Variants in GPR101 observed in about 807,000 individuals in gnomAD.
GPR101 encodes the protein probable G protein-coupled receptor 101.
In GPR101, 8 loss-of-function variants were observed where a neutral mutation model predicts 16.4. That is an observed-to-expected ratio of 0.49 (90% CI 0.29 to 0.88). The LOEUF is 0.88. Ranked by LOEUF, GPR101 falls within the 40% of genes least tolerant of loss-of-function variation. The pLI is 0.09. For missense variants in GPR101, 375 were observed against 411.7 expected (o/e 0.91, Z 0.77); for synonymous variants, 155 against 168.7 (o/e 0.92, Z 0.63).
rs1290809212 is a variant in GPR101, at chrX:137,027,291, T to G, written c.*2857A>C. 1.2e-5 allele frequency among the ~76,000 whole-genome samples: 1 copy of G among 84,872 alleles called. No individual in the cohort carries two copies. Among genetic ancestry groups the G allele is most frequent in the East Asian group, 4.5e-4 (1 of 2,217 alleles). 73.7% of individuals were successfully genotyped at this position (84,872 alleles called of 115,157 possible). A position where few individuals can be genotyped will look rare whatever the true frequency, so the allele number is the denominator to read the frequency against. On this transcript the variant is annotated 3_prime_UTR_variant, in exon 2 of 2. Coordinates refer to ENST00000651716, the MANE Select transcript of GPR101 (RefSeq NM_054021.2). ...GGTTTGTCTGGCCCCTGTACTTTAA[T>G]GGGATTTTTTTTTTTTTTTTTACTG...
Position 137,027,148 on chromosome X carries a change from A to G in GPR101, c.*3000T>C, listed in dbSNP as rs1449701600. Among the ~76,000 whole-genome samples, 1 of 106,915 alleles carries G rather than the reference A, an allele frequency of 9.4e-6. No homozygotes were observed. The highest frequency in any genetic ancestry group is 2.9e-4 in the East Asian group (1 of 3,450). 92.8% of individuals were successfully genotyped at this position (106,915 alleles called of 115,157 possible). A position where few individuals can be genotyped will look rare whatever the true frequency, so the allele number is the denominator to read the frequency against. On this transcript the variant is annotated 3_prime_UTR_variant, in exon 2 of 2. Transcript: ENST00000651716. ...GCTTGCTCCTTATTACTGCCTTCCC[A>G]AGCTTGTGGAAATTGGTGTGTTAGT...
Position 137,030,600 on chromosome X carries a change from C to T in GPR101, c.1075G>A (p.Asp359Asn), listed in dbSNP as rs773533634. 5 of 1,211,464 alleles carry T rather than the reference C, an allele frequency of 4.1e-6. No homozygotes were observed. Among genetic ancestry groups the T allele is most frequent in the South Asian group, 1.8e-5 (1 of 56,942 alleles). The change falls in exon 2 of 2, where the codon GAC (aspartate) becomes AAC (asparagine). Residue 359 changes from aspartate to asparagine, a missense_variant. Physicochemically the swap from Asp to Asn is conservative, Grantham distance 23. Coordinates refer to ENST00000651716, the MANE Select transcript of GPR101 (RefSeq NM_054021.2). Reference protein sequence around the residue: ...GEDDMEFGEDDINFSEDDVEA... With the variant: ...GEDDMEFGEDNINFSEDDVEA... ...ACGTCATCCTCACTGAAATTGATGT[C>T]GTCTTCACCAAACTCCATGTCATCT... is the stretch of plus-strand genomic sequence containing the variant.
Position 137,030,214 on chromosome X carries a change from C to A in GPR101, c.1461G>T (p.Leu487=), listed in dbSNP as rs746819247. ...KPPKEDSHPD[L]PGTEGGTEGK... Reference sequence around the variant, plus strand: ...CTTCAGTCCCACCCTCTGTTCCGGGCAGGTCTGGGTGGCTATCTTCTTTCG... The same window carrying A: ...CTTCAGTCCCACCCTCTGTTCCGGGAAGGTCTGGGTGGCTATCTTCTTTCG... The change falls in exon 2 of 2, where the codon CTG becomes CTT. Residue 487 remains leucine (L), a synonymous_variant. Coordinates refer to ENST00000651716, the MANE Select transcript of GPR101 (RefSeq NM_054021.2). The A allele has an allele frequency of 1.7e-6, 2 of 1,208,336 alleles. No homozygotes were observed. The highest frequency in any genetic ancestry group is 1.8e-5 in the South Asian group (1 of 55,868).
rs1354242756 is a variant in GPR101 at position 137,030,546 on chromosome X, G to T, written c.1129C>A (p.Pro377Thr). The T allele has an allele frequency of 8.3e-7, 1 of 1,208,618 alleles. No individual in the cohort carries two copies. Among genetic ancestry groups the T allele is most frequent in the East Asian group, 3.0e-5 (1 of 33,748 alleles). Residue 377 changes from proline to threonine, a missense_variant, in exon 2 of 2, where the codon CCA (proline) becomes ACA (threonine). By Grantham distance (38) the Pro-to-Thr change is conservative. Coordinates refer to ENST00000651716, the MANE Select transcript of GPR101 (RefSeq NM_054021.2). ...VEAVNIPESL[P>T]PSRRNSNSNP... Reference sequence around the variant, plus strand: ...CTGTTGCTGTTACGACGACTGGGTGGGAGGCTCTCCGGGATGTTCACTGCC... The same window carrying T: ...CTGTTGCTGTTACGACGACTGGGTGTGAGGCTCTCCGGGATGTTCACTGCC...
chrX:137,026,364 T>C lies in GPR101; in HGVS notation c.*3784A>G, dbSNP rs975806156. On this transcript the variant is annotated 3_prime_UTR_variant, in exon 2 of 2. Coordinates refer to ENST00000651716, the MANE Select transcript of GPR101 (RefSeq NM_054021.2). ...TTATCCCAACAACCCATGAGAGTTT[T>C]ATCTTGAGAGTCCAAATTACCAGAT... 1.8e-5 allele frequency among the ~76,000 whole-genome samples: 2 copies of C among 112,244 alleles called. No homozygotes were observed. Among genetic ancestry groups the C allele is most frequent in the Admixed American group, 1.9e-4 (2 of 10,587 alleles).
At position 137,030,293 on chromosome X, in the gene GPR101, A is replaced by T; in HGVS notation, c.1382T>A (p.Ile461Asn). 8.3e-7 allele frequency: 1 copy of T among 1,211,275 alleles called. No homozygotes were observed. The highest frequency in any genetic ancestry group is 1.1e-6 in the Non-Finnish European group (1 of 895,358). Reference protein sequence around the residue: ...PYVYGYMHKTIKKEIQDMLKK... With the variant: ...PYVYGYMHKTNKKEIQDMLKK... ...CAGCATGTCCTGGATTTCCTTCTTA[A>T]TGGTCTTGTGCATGTAGCCATAGAC... Residue 461 changes from isoleucine (I) to asparagine (N), a missense_variant, in exon 2 of 2, where the codon ATT (isoleucine) becomes AAT (asparagine). Transcript: ENST00000651716.
intron 1 of GPR101, among the ~76,000 whole-genome samples, chrX:137,033,560 T>G: frequency 9.8e-6 from 1 of 101,958 alleles, no homozygotes. Context: ...AGGGAAAGGA[T>G]GAGGAAAAAA....
At chrX:137,033,640 G>T (rs1004712183) in intron 1 of GPR101, among the ~76,000 whole-genome samples, 162 bp downstream of exon 1, 1 of 112,164 alleles carries the variant, frequency 8.9e-6, no homozygotes, top group Non-Finnish European at 1.9e-5. Context: ...GAGGGCGGGA[G>T]GATGGCTAGG....
In GPR101 at chrX:137,029,443, A is replaced by AG. The variant is rs745340665; in HGVS notation, c.*704dup. On this transcript the variant is annotated 3_prime_UTR_variant, in exon 2 of 2. Coordinates refer to ENST00000651716, the MANE Select transcript of GPR101 (RefSeq NM_054021.2). Reference sequence around the variant, plus strand: ...AAACCCAAGATTTTATAGGAAAAAAAGTCAACTGTTTAGCTCTCCAGATGT... The same window carrying AG: ...AAACCCAAGATTTTATAGGAAAAAAAGGTCAACTGTTTAGCTCTCCAGATGT... Among the ~76,000 whole-genome samples, 3 of 112,453 alleles carry AG rather than the reference A, an allele frequency of 2.7e-5. No homozygotes were observed. The highest frequency in any genetic ancestry group is 5.6e-5 in the Non-Finnish European group (3 of 53,323).
In GPR101 at chrX:137,030,085, G is replaced by A; in HGVS notation, c.*63C>T. ...GGCATTAATGAATTGTGGGTCCATT[G>A]AAAAGAAATCTCCTCTTGTTTCTCG... On this transcript the variant is annotated 3_prime_UTR_variant, in exon 2 of 2. Coordinates refer to ENST00000651716, the MANE Select transcript of GPR101 (RefSeq NM_054021.2). 9.7e-7 allele frequency: 1 copy of A among 1,028,390 alleles called. No individual in the cohort carries two copies. Among genetic ancestry groups the A allele is most frequent in the Non-Finnish European group, 1.3e-6 (1 of 761,473 alleles). The allele number at this position is 1,028,390 out of a possible 1,213,427, so 84.8% of individuals were successfully genotyped here.
At position 137,031,045 on chromosome X, in the gene GPR101, G is replaced by A. The variant is rs776749651; in HGVS notation, c.630C>T (p.Ala210=). 10 of 1,212,214 alleles carry A rather than the reference G, an allele frequency of 8.2e-6. No homozygotes were observed. The highest frequency in any genetic ancestry group is 2.2e-5 in the Admixed American group (1 of 46,142). ...FIVIPLIVMI[A]CYSVVFCAAR... ...CTGCACAGAACACCACGGAGTAGCA[G>A]GCAATCATGACAATCAGTGGAATGA... Residue 210 remains alanine (A), a synonymous_variant, in exon 2 of 2, where the codon GCC becomes GCT. Transcript: ENST00000651716.
rs1024437643 is a variant in GPR101, at chrX:137,024,987, T to C, written c.*5161A>G. 2.7e-5 allele frequency among the ~76,000 whole-genome samples: 3 copies of C among 111,785 alleles called. No homozygotes were observed. The highest frequency in any genetic ancestry group is 9.8e-5 in the African/African-American group (3 of 30,744). Reference sequence around the variant, plus strand: ...GTTTGCATTCTATATATTCAGTGAATAGAAAACAGGCACACCAGTGCCAAG... The same window carrying C: ...GTTTGCATTCTATATATTCAGTGAACAGAAAACAGGCACACCAGTGCCAAG... On this transcript the variant is annotated 3_prime_UTR_variant, in exon 2 of 2. Transcript: ENST00000651716.
Position 137,030,944 on chromosome X carries a change from T to G in GPR101, c.731A>C (p.Asn244Thr), listed in dbSNP as rs1358480085. 1.7e-6 allele frequency: 2 copies of G among 1,212,016 alleles called. No homozygotes were observed. Among genetic ancestry groups the G allele is most frequent in the Admixed American group, 4.3e-5 (2 of 46,075 alleles). The part of the protein sequence containing the change: ...LEVRVKDCVE[N>T]EDEEGAEKKE... ...CTTCTCTGCTCCCTCTTCATCCTCA[T>G]TCTCCACACAGTCCTTGACTCGCAC... is the stretch of plus-strand genomic sequence containing the variant. Residue 244 changes from asparagine (N) to threonine (T), a missense_variant, in exon 2 of 2, where the codon AAT becomes ACT. Coordinates refer to ENST00000651716, the MANE Select transcript of GPR101 (RefSeq NM_054021.2).
chrX:137,033,921 C>A lies in GPR101; in HGVS notation c.-212G>T, dbSNP rs1366307573. On this transcript the variant is annotated 5_prime_UTR_variant, in exon 1 of 2. Transcript: ENST00000651716. ...CTGCGAGCTGGCACGGGGCAGCGGG[C>A]GCTGCGGGCGCGGCAGGAGCGGGGC... Among the ~76,000 whole-genome samples, 1 of 111,833 alleles carries A rather than the reference C, an allele frequency of 8.9e-6. No homozygotes were observed.
Position 137,028,552 on chromosome X carries a change from C to A in GPR101, c.*1596G>T, listed in dbSNP as rs762214216. On this transcript the variant is annotated 3_prime_UTR_variant, in exon 2 of 2. Transcript: ENST00000651716. The stretch of plus-strand genomic sequence containing the variant: ...TTAACCATTTTCAACCAAACACTCC[C>A]TCCACCCATATTGACAGTGGATTTC... 5.3e-3 allele frequency among the ~76,000 whole-genome samples: 594 copies of A among 112,402 alleles called. 1 individual carries two copies. The highest frequency in any genetic ancestry group is 7.6e-3 in the Non-Finnish European group (407 of 53,213).
At position 137,030,104 on chromosome X, in the gene GPR101, T is replaced by C. The variant is rs1178652715; in HGVS notation, c.*44A>G. ...TCCATTGAAAAGAAATCTCCTCTTG[T>C]TTCTCGTGTTATGGACAGTTCAAGG... On this transcript the variant is annotated 3_prime_UTR_variant, in exon 2 of 2. Coordinates refer to ENST00000651716, the MANE Select transcript of GPR101 (RefSeq NM_054021.2). 9.3e-7 allele frequency: 1 copy of C among 1,076,990 alleles called. No homozygotes were observed. Among genetic ancestry groups the C allele is most frequent in the Admixed American group, 3.0e-5 (1 of 33,128 alleles). 88.8% of individuals were successfully genotyped at this position (1,076,990 alleles called of 1,213,427 possible).
chrX:137,030,318 CAT>C lies in GPR101; in HGVS notation c.1355_1356del (p.Tyr452CysfsTer10). On this transcript the variant is annotated frameshift_variant, in exon 2 of 2. Coordinates refer to ENST00000651716, the MANE Select transcript of GPR101 (RefSeq NM_054021.2). LOFTEE classifies it high-confidence loss of function. The stretch of plus-strand genomic sequence containing the variant: ...ATGGTCTTGTGCATGTAGCCATAGA[CAT>C]AGGGGTGGATGCAGCACTGCAGGAA... ...LFFLQCCIHP[Y>X]VYGYMHKTIK... 2 of 1,211,047 alleles carry C rather than the reference CAT, an allele frequency of 1.7e-6. No individual in the cohort carries two copies. The highest frequency in any genetic ancestry group is 2.2e-6 in the Non-Finnish European group (2 of 895,222).
Position 137,031,282 on chromosome X carries a change from C to A in GPR101, c.393G>T (p.Leu131Phe). Residue 131 changes from leucine to phenylalanine, a missense_variant, in exon 2 of 2, where the codon TTG becomes TTT. Leu to Phe is a conservative substitution (Grantham distance 22). Coordinates refer to ENST00000651716, the MANE Select transcript of GPR101 (RefSeq NM_054021.2). ...TIVVVSVDRY[L>F]SIIHPLSYPS... ...GGTAGGAGAGAGGGTGGATGATGGA[C>A]AAGTAGCGATCCACTGACACCACGA... 8.3e-7 allele frequency: 1 copy of A among 1,210,506 alleles called. No homozygotes were observed.
rs745487580 is a variant in GPR101, at chrX:137,024,556, A to G, written c.*5592T>C. ...AGGGTATATATAGTTTTTTAGTTGT[A>G]ATATTTTGTTCTGAAAATATAACAA... On this transcript the variant is annotated 3_prime_UTR_variant, in exon 2 of 2. Transcript: ENST00000651716. 8.9e-6 allele frequency among the ~76,000 whole-genome samples: 1 copy of G among 112,100 alleles called. No individual in the cohort carries two copies. The highest frequency in any genetic ancestry group is 9.4e-5 in the Admixed American group (1 of 10,599).
Sources: gnomAD v4.1 joint callset for allele counts (sites outside exome capture counted in the v4.1 genomes callset) on GRCh38, gnomAD v4.1.1 for gene constraint, MANE v1.5 for transcripts, NCBI Gene and HGNC (gene_info 2026-07-23, HGNC 2026-07-21) for gene names.